Variants in ZNF277 observed in about 807,000 individuals in gnomAD.
The protein encoded by ZNF277 is nuclear receptor-interacting factor 4.
A neutral mutation model predicts 60.7 loss-of-function variants in ZNF277; 55 were observed. The ratio of observed to expected loss-of-function variants is 0.91; its 90% CI spans 0.73 to 1.13. The LOEUF is 1.13. ZNF277 is among the 50% of genes most tolerant of loss of function. ZNF277 has a pLI of 0.00. For missense variants in ZNF277, 510 were observed against 523.0 expected (o/e 0.98, Z 0.24); for synonymous variants, 178 against 179.3 (o/e 0.99, Z 0.06).
intron 10 of ZNF277, among the ~76,000 whole-genome samples, chr7:112,340,151 T>C (rs928017549): frequency 1.3e-5 from 2 of 152,196 alleles, no homozygotes; most frequent in South Asian, 2.1e-4. Context: ...TAATAATATA[T>C]CATAAATTGG....
intron 4 of ZNF277, among the ~76,000 whole-genome samples, chr7:112,317,954 G>A (rs1230188136): frequency 6.6e-6 from 1 of 152,074 alleles, no homozygotes; most frequent in Non-Finnish European, 1.5e-5. Flanking sequence ...GTAAAACCTT[G>A]TTGATTTTAA....
At chr7:112,243,421 A>G (rs1403740677) in intron 1 of ZNF277, among the ~76,000 whole-genome samples, 1 of 151,908 alleles carries the variant, frequency 6.6e-6, no homozygotes, top group African/African-American at 2.4e-5. Context: ...AAATACTTGC[A>G]AACTGTGTAT....
At chr7:112,328,022 C>T (rs886972790) in intron 6 of ZNF277, among the ~76,000 whole-genome samples, 195 bp downstream of exon 6, 1 of 152,164 alleles carries the variant, frequency 6.6e-6, no homozygotes, top group African/African-American at 2.4e-5. Flanking sequence ...TTTTCAAATA[C>T]ACTATGTCAT....
At chr7:112,269,525 C>G (rs555579690) in intron 1 of ZNF277, among the ~76,000 whole-genome samples, 2 of 152,208 alleles carry the variant, frequency 1.3e-5, no homozygotes, top group South Asian at 4.1e-4. Context: ...TCATTGTTAA[C>G]ATGGTTGTTA....
chr7:112,320,143 A>G (rs574778157), intron 5 of ZNF277, among the ~76,000 whole-genome samples: 23 of 152,234 alleles, frequency 1.5e-4, no homozygotes, highest in South Asian at 8.3e-4. Flanking sequence ...ATGCCATTAA[A>G]TTCTTACAGT....
chr7:112,219,036 C>A (rs549753106), intron 1 of ZNF277, among the ~76,000 whole-genome samples: 2 of 152,294 alleles, frequency 1.3e-5, no homozygotes, highest in East Asian at 3.9e-4. Flanking sequence ...TTTTGAGGAA[C>A]CTCCATGCTG....
At chr7:112,302,949 C>CTTT (rs34593342) in intron 4 of ZNF277, among the ~76,000 whole-genome samples, 1 of 132,868 alleles carries the variant, frequency 7.5e-6, no homozygotes, top group Non-Finnish European at 1.6e-5. Context: ...GCAAATAGGC[C>CTTT]TTTTTTTTTT....
chr7:112,278,767 G>T (rs1791876376), intron 1 of ZNF277, among the ~76,000 whole-genome samples: 1 of 152,052 alleles, frequency 6.6e-6, no homozygotes, highest in Admixed American at 6.6e-5. Flanking sequence ...TACATAACAT[G>T]AAATCTATCC....
chr7:112,282,095 T>G (rs935815913), intron 1 of ZNF277, among the ~76,000 whole-genome samples: 88 of 152,326 alleles, frequency 5.8e-4, no homozygotes, highest in African/African-American at 2.0e-3. Context: ...CCTCCCAAAG[T>G]GCTGGGATTA....
intron 2 of ZNF277, among the ~76,000 whole-genome samples, chr7:112,291,304 C>G (rs1177970319): frequency 6.6e-6 from 1 of 152,076 alleles, no homozygotes; most frequent in Non-Finnish European, 1.5e-5. Context: ...AATAACCATA[C>G]CAATTACAGT....
chr7:112,290,353 A>G (rs1260630663), intron 2 of ZNF277, among the ~76,000 whole-genome samples: 1 of 152,172 alleles, frequency 6.6e-6, no homozygotes, highest in Non-Finnish European at 1.5e-5. Context: ...CTCTATTTGT[A>G]TCATTGTTAT....
At chr7:112,262,592 C>A (rs1437317254) in intron 1 of ZNF277, among the ~76,000 whole-genome samples, 1 of 151,892 alleles carries the variant, frequency 6.6e-6, no homozygotes, top group Non-Finnish European at 1.5e-5. Flanking sequence ...TAATTTATGA[C>A]AAAAAGTTTG....
intron 1 of ZNF277, among the ~76,000 whole-genome samples, chr7:112,264,825 TA>T (rs1318466810): frequency 1.3e-5 from 2 of 152,138 alleles, no homozygotes; most frequent in Non-Finnish European, 2.9e-5. Flanking sequence ...TGTCAAAAAA[TA>T]ATGTACATAC....
chr7:112,219,819 T>C (rs971246729), intron 1 of ZNF277, among the ~76,000 whole-genome samples: 2 of 152,124 alleles, frequency 1.3e-5, no homozygotes, highest in African/African-American at 4.8e-5. Flanking sequence ...AAATTTTTTG[T>C]AGAGGGAGAT....
At chr7:112,283,415 C>T (rs529439157) in intron 1 of ZNF277, among the ~76,000 whole-genome samples, 3 of 152,178 alleles carry the variant, frequency 2.0e-5, no homozygotes, top group South Asian at 2.1e-4. Context: ...CCCAGCTACT[C>T]GGAAGGCTGA....
At chr7:112,237,412 A>G (rs1196362691) in intron 1 of ZNF277, among the ~76,000 whole-genome samples, 1 of 152,128 alleles carries the variant, frequency 6.6e-6, no homozygotes, top group African/African-American at 2.4e-5. Context: ...AAAAAAAATC[A>G]ATGAAACAAA....
At chr7:112,224,985 A>G (rs1033715429) in intron 1 of ZNF277, among the ~76,000 whole-genome samples, 7 of 152,232 alleles carry the variant, frequency 4.6e-5, no homozygotes, top group South Asian at 2.1e-4. Flanking sequence ...TCTAAAAAAG[A>G]AAATTGTAAA....
chr7:112,264,308 A>G (rs754620789), intron 1 of ZNF277, among the ~76,000 whole-genome samples: 8 of 152,148 alleles, frequency 5.3e-5, no homozygotes, highest in Non-Finnish European at 1.2e-4. Context: ...TAGCCACAAC[A>G]TAATATATAA....
chr7:112,212,223 A>C (rs1005535424), intron 1 of ZNF277, among the ~76,000 whole-genome samples: 5 of 152,224 alleles, frequency 3.3e-5, no homozygotes, highest in Non-Finnish European at 5.9e-5. Flanking sequence ...CTGTAACTGA[A>C]TGACCTACCA....
Sources: allele counts gnomAD v4.1 joint callset (sites outside exome capture counted in the v4.1 genomes callset), GRCh38; gene constraint gnomAD v4.1.1; transcripts MANE v1.5; gene names NCBI Gene and HGNC (gene_info 2026-07-23, HGNC 2026-07-21).